Variants in UBTD1 observed in about 807,000 individuals in gnomAD.
UBTD1 encodes the protein ubiquitin domain containing 1.
A neutral mutation model predicts 21.7 loss-of-function variants in UBTD1; 19 were observed. The observed-to-expected ratio is 0.87, with a 90% CI of 0.61 to 1.28. UBTD1 has a LOEUF of 1.28. Ranked by LOEUF, UBTD1 falls within the 50% of genes most tolerant of loss-of-function variation. The pLI, the probability that UBTD1 is intolerant of heterozygous loss-of-function variation, is 0.00. For missense variants in UBTD1, 282 were observed against 315.1 expected, an observed-to-expected ratio of 0.89 and a Z score of 0.80; for synonymous variants, 116 against 135.1, an observed-to-expected ratio of 0.86 and a Z score of 0.98.
At chr10:97,546,479 A>C (rs560409690) in intron 1 of UBTD1, among the ~76,000 whole-genome samples, 83 of 151,902 alleles carry the variant, frequency 5.5e-4, no homozygotes, top group South Asian at 4.2e-3. Flanking sequence ...AGTCCCAGCT[A>C]CTGGGGAAGC....
chr10:97,556,863 A>C (rs1239255692), intron 1 of UBTD1, among the ~76,000 whole-genome samples: 1 of 152,138 alleles, frequency 6.6e-6, no homozygotes, highest in Non-Finnish European at 1.5e-5. Context: ...TACTGAATGG[A>C]TTTCTTTCTG....
chr10:97,529,357 G>A (rs529041583), intron 1 of UBTD1, among the ~76,000 whole-genome samples: 48 of 152,336 alleles, frequency 3.2e-4, no homozygotes, highest in Middle Eastern at 3.4e-3. Context: ...CTTCCCAGAC[G>A]GGGTAGCGGC....
chr10:97,568,517 G>A (rs553490640), intron 2 of UBTD1, among the ~76,000 whole-genome samples: 2 of 152,146 alleles, frequency 1.3e-5, no homozygotes, highest in South Asian at 4.2e-4. Flanking sequence ...CACCTCCTGA[G>A]TTCAAGCAAT....
At chr10:97,555,542 G>A (rs957859341) in intron 1 of UBTD1, among the ~76,000 whole-genome samples, 136 of 152,274 alleles carry the variant, frequency 8.9e-4, no homozygotes, top group Middle Eastern at 6.8e-3. Flanking sequence ...TGGGAGCATC[G>A]GCAAGCTACT....
chr10:97,518,512 T>C (rs10882950), intron 1 of UBTD1, among the ~76,000 whole-genome samples: 90,484 of 152,158 alleles, frequency 0.59, 27,807 homozygotes, highest in East Asian at 0.93. Context: ...CCAGCCCGTT[T>C]GGCTATTTCT....
chr10:97,519,333 CACG>C (rs2040457373), intron 1 of UBTD1, among the ~76,000 whole-genome samples: 1 of 152,220 alleles, frequency 6.6e-6, no homozygotes, highest in South Asian at 2.1e-4. Context: ...TTAAGAACTT[CACG>C]ACATTATCCT....
chr10:97,530,134 A>T (rs1432393520), intron 1 of UBTD1, among the ~76,000 whole-genome samples: 1 of 152,198 alleles, frequency 6.6e-6, no homozygotes, highest in Non-Finnish European at 1.5e-5. Flanking sequence ...TGAGAGCCTT[A>T]GTGACTTTGT....
chr10:97,560,525 G>T (rs2040687375), intron 1 of UBTD1, among the ~76,000 whole-genome samples: 1 of 152,128 alleles, frequency 6.6e-6, no homozygotes, highest in East Asian at 1.9e-4. Context: ...AGGGGAAGGG[G>T]GTCTAAAACC....
At chr10:97,561,051 C>CT (rs977750768) in intron 1 of UBTD1, among the ~76,000 whole-genome samples, 1 of 152,134 alleles carries the variant, frequency 6.6e-6, no homozygotes, top group African/African-American at 2.4e-5. Flanking sequence ...GTTCCAAAGA[C>CT]TAGTCTTACC....
rs2135677262 is a variant in UBTD1, at chr10:97,545,404, G to GTGTGTA, written c.71-22505_71-22504insATGTGT. ...ATGGGGCTCGTGTGTGTGTGTGTGT[G>GTGTGTA]TGTGTGGGTGTGGGTGTGTGTGTGT... On this transcript the variant is annotated intron_variant, in intron 1 of 2. Coordinates refer to ENST00000370664, the MANE Select transcript of UBTD1 (RefSeq NM_024954.5). 6.1e-5 allele frequency among the ~76,000 whole-genome samples: 5 copies of GTGTGTA among 82,152 alleles called. No individual in the cohort carries two copies. The South Asian group carries it at 2.5e-3, about 40-fold the overall frequency. 53.9% of individuals were successfully genotyped at this position (82,152 alleles called of 152,430 possible). A position where few individuals can be genotyped will look rare whatever the true frequency, so the allele number is the denominator to read the frequency against.
rs575853877 is a variant in UBTD1 at position 97,549,102 on chromosome 10, C to G, written c.71-18812C>G. On this transcript the variant is annotated intron_variant, in intron 1 of 2. Coordinates refer to ENST00000370664, the MANE Select transcript of UBTD1 (RefSeq NM_024954.5). Reference sequence around the variant, plus strand: ...TGTGCCCCCTTGTCCGTATCTGTGGCTGCCCGCACACTGAGGCCTTGGGTA... The same window carrying G: ...TGTGCCCCCTTGTCCGTATCTGTGGGTGCCCGCACACTGAGGCCTTGGGTA... 2.8e-4 allele frequency among the ~76,000 whole-genome samples: 42 copies of G among 152,340 alleles called. 2 individuals carry two copies. The South Asian group carries it at 8.7e-3, about 32-fold the overall frequency.
At position 97,568,020 on chromosome 10, in the gene UBTD1, T is replaced by C; in HGVS notation, c.177T>C (p.Pro59=). The change falls in exon 2 of 3, where the codon CCT becomes CCC. Residue 59 remains proline, a synonymous_variant. Coordinates refer to ENST00000370664, the MANE Select transcript of UBTD1 (RefSeq NM_024954.5). The part of the protein sequence containing the change: ...SKRDEFWDTA[P]AFEGRKEIWD... ...GGGATGAGTTCTGGGACACAGCGCC[T>C]GCCTTCGAGGGCCGCAAGGAGATCT... is the stretch of plus-strand genomic sequence containing the variant. 1 of 1,614,072 alleles carries C rather than the reference T, an allele frequency of 6.2e-7. No homozygotes were observed. The highest frequency in any genetic ancestry group is 8.5e-7 in the Non-Finnish European group (1 of 1,180,032).
At chr10:97,529,783 G>A (rs1015828945) in intron 1 of UBTD1, among the ~76,000 whole-genome samples, 5 of 149,754 alleles carry the variant, frequency 3.3e-5, no homozygotes, top group Non-Finnish European at 7.4e-5. Context: ...CGTGGGGAGA[G>A]GGAGAGGGAC....
intron 1 of UBTD1, among the ~76,000 whole-genome samples, chr10:97,539,200 T>G (rs11818725): frequency 0.016 from 2,366 of 151,812 alleles, 63 homozygotes; most frequent in African/African-American, 0.054. Context: ...TTTCTGGAGG[T>G]GTCAGGAGGG....
intron 1 of UBTD1, among the ~76,000 whole-genome samples, chr10:97,562,968 G>A (rs1011521256): frequency 3.3e-5 from 5 of 152,112 alleles, no homozygotes; most frequent in African/African-American, 7.2e-5. Context: ...TGGCTGCTTC[G>A]GGCGGGATTA....
At chr10:97,556,797 C>T (rs926517977) in intron 1 of UBTD1, among the ~76,000 whole-genome samples, 53 of 152,188 alleles carry the variant, frequency 3.5e-4, no homozygotes, top group African/African-American at 1.3e-3. Flanking sequence ...TGGCGGGGGC[C>T]GTCCAGTCCC....
intron 1 of UBTD1, among the ~76,000 whole-genome samples, chr10:97,499,816 C>G (rs1354530702): frequency 6.6e-6 from 1 of 152,202 alleles, no homozygotes; most frequent in Non-Finnish European, 1.5e-5. Context: ...TTTAGAGCCT[C>G]TCGGCCGTCT....
At chr10:97,548,954 G>C (rs1279942531) in intron 1 of UBTD1, among the ~76,000 whole-genome samples, 1 of 152,170 alleles carries the variant, frequency 6.6e-6, no homozygotes, top group South Asian at 2.1e-4. Flanking sequence ...AGGGCCCCCA[G>C]GCTGGACTCA....
intron 1 of UBTD1, among the ~76,000 whole-genome samples, chr10:97,520,519 T>G (rs910053158): frequency 6.6e-6 from 1 of 152,144 alleles, no homozygotes; most frequent in African/African-American, 2.4e-5. Context: ...TAAGACATAC[T>G]ACAAAGGTAA....
Sources: allele counts gnomAD v4.1 joint callset (sites outside exome capture counted in the v4.1 genomes callset), GRCh38; gene constraint gnomAD v4.1.1; transcripts MANE v1.5; gene names NCBI Gene and HGNC (gene_info 2026-07-23, HGNC 2026-07-21).